ACYP1: variants seen among roughly 807,000 people sequenced by gnomAD.
The protein encoded by ACYP1 is acylphosphatase 1, also known as acylphosphatase-1.
In ACYP1, 8 loss-of-function variants were observed where a neutral mutation model predicts 10.4. The observed-to-expected ratio is 0.77, with a 90% CI of 0.45 to 1.38. ACYP1 has a LOEUF of 1.38. Ranked by LOEUF, ACYP1 falls within the 40% of genes most tolerant of loss-of-function variation. The pLI is 0.00. For missense variants in ACYP1, 93 were observed against 117.3 expected, an observed-to-expected ratio of 0.79 and a Z score of 0.96; for synonymous variants, 38 against 40.8, an observed-to-expected ratio of 0.93 and a Z score of 0.26.
intron 2 of ACYP1, among the ~76,000 whole-genome samples, chr14:75,060,884 T>C (rs1039808011): frequency 3.3e-5 from 5 of 152,110 alleles, no homozygotes; most frequent in African/African-American, 1.2e-4. Context: ...CTGGCCAACA[T>C]GGTGAAACCC....
upstream of ACYP1, among the ~76,000 whole-genome samples, chr14:75,065,726 C>A (rs541891659): frequency 6.6e-6 from 1 of 152,274 alleles, no homozygotes; most frequent in South Asian, 2.1e-4. Context: ...TCATCAGGAA[C>A]CAGCCCTGTG....
exon 1 of ACYP1, chr14:75,069,377 C>T (rs185970129): frequency 9.3e-7 from 1 of 1,078,794 alleles, no homozygotes; most frequent in Admixed American, 3.6e-5. Flanking sequence ...GAGCGTCGTT[C>T]TCAGAAAAGT....
Position 75,063,998 on chromosome 14 carries a change from C to T in ACYP1, c.-53G>A. On this transcript the variant is annotated 5_prime_UTR_variant, in exon 1 of 3. In the 5' UTR this introduces an upstream ATG that the reference lacks. Coordinates refer to ENST00000238618, the MANE Select transcript of ACYP1 (RefSeq NM_001107.5). The stretch of plus-strand genomic sequence containing the variant: ...GGCTGCCAGGATCACTCCGGGACCA[C>T]CACGCCAACGGCTCACCAAGGCGCG... 1.0e-6 allele frequency: 1 copy of T among 990,720 alleles called. No homozygotes were observed. Among genetic ancestry groups the T allele is most frequent in the South Asian group, 4.5e-5 (1 of 22,026 alleles). The allele number at this position is 990,720 out of a possible 1,614,324, so 61.4% of individuals were successfully genotyped here.
At chr14:75,062,055 C>T (rs904420352) in intron 2 of ACYP1, among the ~76,000 whole-genome samples, 28 of 136,148 alleles carry the variant, frequency 2.1e-4, no homozygotes, top group African/African-American at 5.3e-4. Flanking sequence ...GAGCTGAGAT[C>T]GTGCCATTGC....
At chr14:75,060,230 C>T (rs1484211744) in intron 2 of ACYP1, 2 of 682,562 alleles carry the variant, frequency 2.9e-6, no homozygotes, top group Non-Finnish European at 5.3e-6. Flanking sequence ...GAGAACATTC[C>T]TTGATTTAAA....
At chr14:75,058,223 C>T (rs1317805733) in intron 2 of ACYP1, among the ~76,000 whole-genome samples, 6 of 149,988 alleles carry the variant, frequency 4.0e-5, no homozygotes, top group Non-Finnish European at 8.9e-5. Context: ...CTGAGGCGGG[C>T]GGATCACCTG....
At chr14:75,063,730 G>A (rs1893087694) in intron 1 of ACYP1, among the ~76,000 whole-genome samples, 169 bp from the exon 2 acceptor site, 1 of 152,170 alleles carries the variant, frequency 6.6e-6, no homozygotes, top group South Asian at 2.1e-4. Flanking sequence ...AGGTGTGTGT[G>A]AAGGAAGAAC....
At chr14:75,059,351 A>T (rs994144299) in intron 2 of ACYP1, among the ~76,000 whole-genome samples, 1 of 152,098 alleles carries the variant, frequency 6.6e-6, no homozygotes, top group Non-Finnish European at 1.5e-5. Context: ...CAAAAACAAA[A>T]CAAACAAAAA....
intron 2 of ACYP1, among the ~76,000 whole-genome samples, chr14:75,058,982 G>A (rs376926793): frequency 8.8e-5 from 13 of 148,562 alleles, no homozygotes; most frequent in African/African-American, 2.7e-4. Flanking sequence ...GGTGGATCAC[G>A]AGGTCAGGAG....
chr14:75,069,128 A>T, intron 1 of ACYP1: 1 of 1,321,876 alleles, frequency 7.6e-7, no homozygotes, highest in Non-Finnish European at 1.0e-6. Context: ...TACCACGGAA[A>T]GATACTGCGT....
intron 2 of ACYP1, chr14:75,061,754 A>T (rs1033017617): frequency 7.0e-6 from 11 of 1,580,324 alleles, no homozygotes; most frequent in Non-Finnish European, 8.6e-6. Flanking sequence ...TGTTTTCAAC[A>T]GTCATTTCCT....
At chr14:75,063,292 A>G (rs1893074377) in intron 2 of ACYP1, 178 bp downstream of exon 2, 2 of 598,662 alleles carry the variant, frequency 3.3e-6, no homozygotes, top group Non-Finnish European at 6.0e-6. Context: ...GTGATCTTCC[A>G]TTTACACCAT....
At chr14:75,065,615 T>A (rs1461407478), upstream of ACYP1, among the ~76,000 whole-genome samples, 4 of 152,178 alleles carry the variant, frequency 2.6e-5, no homozygotes. Context: ...ATCTTTGCCC[T>A]CAAAGAGTTT....
At chr14:75,064,757 A>AAATAAAT (rs2139662278), upstream of ACYP1, among the ~76,000 whole-genome samples, 1 of 151,976 alleles carries the variant, frequency 6.6e-6, no homozygotes, top group Non-Finnish European at 1.5e-5. Context: ...AATAAATAAA[A>AAATAAAT]AAATAAACAT....
intron 2 of ACYP1, among the ~76,000 whole-genome samples, chr14:75,058,170 C>T (rs976821604): frequency 2.7e-5 from 4 of 150,566 alleles, no homozygotes; most frequent in Admixed American, 6.6e-5. Context: ...CAGTTCTCAC[C>T]GGGCACGGTG....
chr14:75,062,795 TTGA>T (rs1438993880), intron 2 of ACYP1, among the ~76,000 whole-genome samples: 1 of 152,146 alleles, frequency 6.6e-6, no homozygotes, highest in East Asian at 1.9e-4. Context: ...TGTGTGCCTG[TTGA>T]GGGAAGATTA....
chr14:75,069,209 C>G lies in ACYP1; in HGVS notation c.82+1G>C. The G allele has an allele frequency of 6.6e-7, 1 of 1,515,870 alleles. No individual in the cohort carries two copies. Among genetic ancestry groups the G allele is most frequent in the African/African-American group, 1.4e-5 (1 of 69,998 alleles). 93.9% of individuals were successfully genotyped at this position (1,515,870 alleles called of 1,614,324 possible). A position where few individuals can be genotyped will look rare whatever the true frequency, so the allele number is the denominator to read the frequency against. On this transcript the variant is annotated splice_donor_variant, in intron 1 of 2. Coordinates refer to the ACYP1 transcript ENST00000555463. LOFTEE classifies it high-confidence loss of function. The stretch of plus-strand genomic sequence containing the variant: ...CAAGGAGCGCGCGCGTGCAGCCATA[C>G]CTGGGGCCCGCCCAGCGCAGCCGAG...
chr14:75,063,389 A>G, intron 2 of ACYP1, 81 bp downstream of exon 2: 1 of 1,153,398 alleles, frequency 8.7e-7, no homozygotes, highest in East Asian at 2.3e-5. Context: ...AGCGGCTTCT[A>G]GTTCACATTT....
chr14:75,069,458 G>T (rs1224893129), exon 1 of ACYP1: 4 of 554,986 alleles, frequency 7.2e-6, no homozygotes, highest in Non-Finnish European at 1.2e-5. Context: ...GGGCAGGGCT[G>T]GACCGAGCTG....
Sources: gnomAD v4.1 joint callset for allele counts (sites outside exome capture counted in the v4.1 genomes callset) on GRCh38, gnomAD v4.1.1 for gene constraint, MANE v1.5 for transcripts, NCBI Gene and HGNC (gene_info 2026-07-23, HGNC 2026-07-21) for gene names.